Variants in R3HDM2 observed in about 807,000 individuals in gnomAD.
R3HDM2 encodes R3H domain-containing protein 2.
In R3HDM2, 38 loss-of-function variants were observed where a neutral mutation model predicts 124.5. The observed-to-expected ratio is 0.31, with a 90% CI of 0.24 to 0.40. The LOEUF is 0.40. Ranked by LOEUF, R3HDM2 falls within the 10% of genes least tolerant of loss-of-function variation. The pLI is 1.00. For missense variants in R3HDM2, 869 were observed against 1,236.9 expected (o/e 0.70, Z 4.46); for synonymous variants, 391 against 448.0 (o/e 0.87, Z 1.61).
chr12:57,430,019 T>G (rs1869337180), intron 1 of R3HDM2, among the ~76,000 whole-genome samples: 1 of 152,210 alleles, frequency 6.6e-6, no homozygotes, highest in Admixed American at 6.6e-5. Context: ...TTCATCCAAC[T>G]GGGATCTGAA....
chr12:57,429,071 C>G (rs1166613609), intron 1 of R3HDM2, among the ~76,000 whole-genome samples: 1 of 152,082 alleles, frequency 6.6e-6, no homozygotes, highest in African/African-American at 2.4e-5. Flanking sequence ...TTTTATTTGT[C>G]AAATTTTTTT....
intron 2 of R3HDM2, among the ~76,000 whole-genome samples, chr12:57,333,339 C>T (rs2058438265): frequency 6.6e-6 from 1 of 151,946 alleles, no homozygotes; most frequent in African/African-American, 2.4e-5. Flanking sequence ...AAAAGAAAAA[C>T]ATGGAAGAAA....
At chr12:57,273,102 C>T (rs922601271) in intron 14 of R3HDM2, among the ~76,000 whole-genome samples, 1 of 152,130 alleles carries the variant, frequency 6.6e-6, no homozygotes, top group Non-Finnish European at 1.5e-5. Context: ...CAAGGATCAT[C>T]TCCCTCCCAA....
At chr12:57,292,812 G>A (rs2138415275) in intron 10 of R3HDM2, 145 bp from the exon 11 acceptor site, 1 of 640,798 alleles carries the variant, frequency 1.6e-6, no homozygotes, top group African/African-American at 1.8e-5. Context: ...CAGTCCTGGA[G>A]AAGTTTCACT....
intron 2 of R3HDM2, among the ~76,000 whole-genome samples, chr12:57,371,898 G>C (rs1025248055): frequency 6.6e-6 from 1 of 152,080 alleles, no homozygotes. Context: ...ACGGAGTTTC[G>C]CTCTTGTTGC....
In R3HDM2 at chr12:57,255,055, C is replaced by T. The variant is rs749293953; in HGVS notation, c.2691G>A (p.Ala897=). ...TGGCGAGCTGCGTGAAGAGTTTGTC[C>T]GCCTCAGTACGGGTGATGCCCTCAG... ...DLPEGITRTE[A]DKLFTQLAMS... Residue 897 remains alanine, a synonymous_variant, in exon 24 of 24, where the codon GCG becomes GCA. Coordinates refer to ENST00000402412, the MANE Select transcript of R3HDM2 (RefSeq NM_001394031.1). 26 of 1,612,758 alleles carry T rather than the reference C, an allele frequency of 1.6e-5. No homozygotes were observed. The East Asian group carries it at 1.8e-4, about 11-fold the overall frequency.
chr12:57,351,746 CTG>C (rs2137259337), intron 2 of R3HDM2, among the ~76,000 whole-genome samples: 1 of 152,234 alleles, frequency 6.6e-6, no homozygotes, highest in East Asian at 1.9e-4. Context: ...CACTAACACA[CTG>C]TGTGATTTGT....
At chr12:57,354,219 C>T (rs1160942160) in intron 2 of R3HDM2, among the ~76,000 whole-genome samples, 1 of 151,808 alleles carries the variant, frequency 6.6e-6, no homozygotes, top group Non-Finnish European at 1.5e-5. Flanking sequence ...TCTTTCTTAT[C>T]AGTAACATGA....
chr12:57,356,719 T>C (rs147929858), intron 2 of R3HDM2, among the ~76,000 whole-genome samples: 2 of 152,340 alleles, frequency 1.3e-5, no homozygotes, highest in African/African-American at 4.8e-5. Flanking sequence ...TTTTAAACTA[T>C]AATTTCTCTA....
intron 2 of R3HDM2, among the ~76,000 whole-genome samples, chr12:57,343,413 T>A (rs1280378550): frequency 6.6e-6 from 1 of 151,966 alleles, no homozygotes; most frequent in Non-Finnish European, 1.5e-5. Context: ...GGTCTCGAAC[T>A]CCCGACCTCA....
chr12:57,257,914 T>A, intron 21 of R3HDM2, 76 bp downstream of exon 21: 1 of 1,357,832 alleles, frequency 7.4e-7, no homozygotes, highest in Non-Finnish European at 9.7e-7. Context: ...CTGTTGTTAC[T>A]CTTTCAATCT....
intron 2 of R3HDM2, among the ~76,000 whole-genome samples, chr12:57,392,354 C>T (rs939956874): frequency 7.2e-5 from 11 of 152,184 alleles, no homozygotes; most frequent in Non-Finnish European, 1.3e-4. Context: ...CACCTCAGAT[C>T]ATCAGGCATT....
intron 11 of R3HDM2, among the ~76,000 whole-genome samples, chr12:57,290,616 A>AT (rs1221295157): frequency 3.3e-5 from 5 of 151,888 alleles, no homozygotes; most frequent in Non-Finnish European, 5.9e-5. Flanking sequence ...ACTTTTTTTT[A>AT]TTTTTTTATT....
chr12:57,308,145 C>T (rs186750337), intron 3 of R3HDM2, among the ~76,000 whole-genome samples: 22 of 150,672 alleles, frequency 1.5e-4, no homozygotes, highest in African/African-American at 4.6e-4. Flanking sequence ...ACCTCTGCCT[C>T]CTGGGTTCAA....
At position 57,254,081 on chromosome 12, in the gene R3HDM2, CA is replaced by C. The variant is rs1565793284; in HGVS notation, c.*691del. 4.7e-6 allele frequency: 2 copies of C among 421,956 alleles called. No homozygotes were observed. The highest frequency in any genetic ancestry group is 9.2e-6 in the Non-Finnish European group (2 of 217,832). The allele number at this position is 421,956 out of a possible 1,614,324, so 26.1% of individuals were successfully genotyped here. A position where few individuals can be genotyped will look rare whatever the true frequency, so the allele number is the denominator to read the frequency against. Reference sequence around the variant, plus strand: ...TCCATATAAATATATTCATAAAGACCAAAAAAGGAAAGGAAGCTTGGGATGT... The same window carrying C: ...TCCATATAAATATATTCATAAAGACCAAAAAGGAAAGGAAGCTTGGGATGT... On this transcript the variant is annotated 3_prime_UTR_variant, in exon 24 of 24. Transcript: ENST00000402412.
chr12:57,409,417 G>T lies in R3HDM2; in HGVS notation c.-105-13599C>A, dbSNP rs372537423. Among the ~76,000 whole-genome samples the T allele has an allele frequency of 8.0e-5, 12 of 149,084 alleles. No homozygotes were observed. The East Asian group carries it at 1.6e-3, about 20-fold the overall frequency. On this transcript the variant is annotated intron_variant, in intron 1 of 23. Transcript: ENST00000402412. ...ATATTTATACTCTGTCACAGAAAGA[G>T]AATTATATACTACTAGATTTAAATA...
intron 19 of R3HDM2, 83 bp downstream of exon 19, chr12:57,266,648 C>A: frequency 1.8e-6 from 2 of 1,121,740 alleles, no homozygotes; most frequent in Non-Finnish European, 2.6e-6. Context: ...ACTCTTTTTG[C>A]CCTTCCCAGC....
intron 2 of R3HDM2, among the ~76,000 whole-genome samples, chr12:57,315,584 A>C (rs2054843450): frequency 6.6e-6 from 1 of 152,240 alleles, no homozygotes; most frequent in Non-Finnish European, 1.5e-5. Context: ...GTGGGTCAGG[A>C]AAAGACCAAC....
intron 2 of R3HDM2, among the ~76,000 whole-genome samples, chr12:57,358,925 C>CT (rs567382472): frequency 0.19 from 27,635 of 144,466 alleles, 2,969 homozygotes; most frequent in Admixed American, 0.28. Flanking sequence ...AAATTTTTTT[C>CT]TTTTTTTTTT....
Sources: allele counts gnomAD v4.1 joint callset (sites outside exome capture counted in the v4.1 genomes callset), GRCh38; gene constraint gnomAD v4.1.1; transcripts MANE v1.5; gene names NCBI Gene and HGNC (gene_info 2026-07-23, HGNC 2026-07-21).